The following KRABD2 variants were observed in gnomAD, a reference collection of about 807,000 sequenced individuals.
KRABD2 encodes KRAB domain-containing protein 2.
chr17:8,374,666 G>A, the KRABD2 span, among the ~76,000 whole-genome samples: 3 of 148,300 alleles, frequency 2.0e-5, no homozygotes, highest in Non-Finnish European at 4.5e-5. Context: ...GAATGATTCG[G>A]CCGGGCGTGG....
the KRABD2 span, chr17:8,375,873 A>G: frequency 3.3e-6 from 4 of 1,225,400 alleles, no homozygotes; most frequent in Non-Finnish European, 4.1e-6. Flanking sequence ...AAATATTTCC[A>G]AAGCCATGTT....
At chr17:8,376,437 G>A in the KRABD2 span, 3 of 1,046,242 alleles carry the variant, frequency 2.9e-6, no homozygotes, top group Non-Finnish European at 3.4e-6. Flanking sequence ...TCCCCTCACC[G>A]TCCACACCAC....
the KRABD2 span, among the ~76,000 whole-genome samples, chr17:8,361,171 G>A: frequency 3.3e-5 from 5 of 152,290 alleles, no homozygotes; most frequent in African/African-American, 1.2e-4. Flanking sequence ...ATTCACAAAA[G>A]CATTCATCTC....
chr17:8,369,614 C>T, the KRABD2 span: 1 of 1,614,226 alleles, frequency 6.2e-7, no homozygotes, highest in South Asian at 1.1e-5. Context: ...CATGAACAAC[C>T]TGGTTTGTGA....
the KRABD2 span, among the ~76,000 whole-genome samples, chr17:8,368,379 T>C: frequency 3.9e-5 from 6 of 152,130 alleles, no homozygotes; most frequent in African/African-American, 1.4e-4. Context: ...GTATTTATTC[T>C]TAGGGCTGCC....
the KRABD2 span, chr17:8,359,880 G>A: frequency 2.2e-6 from 1 of 454,174 alleles, no homozygotes; most frequent in Non-Finnish European, 4.4e-6. Context: ...AGGAGAAAGA[G>A]AGGCAAAAAC....
At chr17:8,360,584 A>T in the KRABD2 span, among the ~76,000 whole-genome samples, 1 of 152,242 alleles carries the variant, frequency 6.6e-6, no homozygotes, top group Admixed American at 6.5e-5. Flanking sequence ...ATTCTGAAGA[A>T]AATTCTGAAG....
At chr17:8,365,315 C>T in the KRABD2 span, among the ~76,000 whole-genome samples, 4 of 152,082 alleles carry the variant, frequency 2.6e-5, no homozygotes, top group Admixed American at 1.3e-4. Flanking sequence ...ATGTGGTTCC[C>T]GGTATGCCAA....
the KRABD2 span, chr17:8,369,094 C>A: frequency 6.4e-7 from 1 of 1,567,472 alleles, no homozygotes; most frequent in Non-Finnish European, 8.6e-7. Flanking sequence ...TGACTATGCT[C>A]AGAGAGACAC....
the KRABD2 span, among the ~76,000 whole-genome samples, chr17:8,374,412 GATGCT>G: frequency 6.6e-6 from 1 of 152,060 alleles, no homozygotes; most frequent in Non-Finnish European, 1.5e-5. Flanking sequence ...TTGTTAAACA[GATGCT>G]TGAAGGCAGC....
chr17:8,368,173 C>A, the KRABD2 span, among the ~76,000 whole-genome samples: 4 of 151,966 alleles, frequency 2.6e-5, no homozygotes, highest in Non-Finnish European at 5.9e-5. Context: ...AAAGAGTATT[C>A]GCTGATCTAA....
At chr17:8,376,126 T>G in the KRABD2 span, 3 of 1,231,676 alleles carry the variant, frequency 2.4e-6, no homozygotes, top group Non-Finnish European at 2.0e-6. Context: ...GGACGGAGGC[T>G]TCTACCTGCC....
the KRABD2 span, chr17:8,376,007 A>C: frequency 8.1e-7 from 1 of 1,231,428 alleles, no homozygotes; most frequent in Non-Finnish European, 1.0e-6. Context: ...CAGTAACTTT[A>C]GCTGATTGCC....
chr17:8,360,984 C>T, the KRABD2 span, among the ~76,000 whole-genome samples: 1 of 152,096 alleles, frequency 6.6e-6, no homozygotes, highest in African/African-American at 2.4e-5. Flanking sequence ...CCCCACTGCC[C>T]TTCCTTCTCA....
chr17:8,366,663 G>A, the KRABD2 span, among the ~76,000 whole-genome samples: 2 of 152,244 alleles, frequency 1.3e-5, no homozygotes, highest in East Asian at 3.9e-4. Context: ...AGTTGGTAAG[G>A]TGGCCAGTCT....
the KRABD2 span, among the ~76,000 whole-genome samples, chr17:8,360,528 C>A: frequency 6.6e-6 from 1 of 151,934 alleles, no homozygotes; most frequent in Non-Finnish European, 1.5e-5. Context: ...AAGGAAGAAC[C>A]AGGAACTAAA....
the KRABD2 span, among the ~76,000 whole-genome samples, chr17:8,367,931 TAA>T: frequency 1.1e-4 from 5 of 43,972 alleles, no homozygotes; most frequent in Admixed American, 2.4e-4. Flanking sequence ...AATGATCAAT[TAA>T]AAAAAAAAAA....
the KRABD2 span, chr17:8,376,665 T>C: frequency 5.1e-6 from 5 of 984,860 alleles, no homozygotes; most frequent in Non-Finnish European, 6.0e-6. Flanking sequence ...ACGCGGCGTC[T>C]GAATCCCCCT....
the KRABD2 span, among the ~76,000 whole-genome samples, chr17:8,363,324 T>A: frequency 2.6e-5 from 4 of 152,042 alleles, no homozygotes; most frequent in Non-Finnish European, 1.5e-5. Context: ...TGGCCAAGGA[T>A]GAGAAAGAAA....
Sources: gnomAD v4.1 joint callset for allele counts (sites outside exome capture counted in the v4.1 genomes callset) on GRCh38, gnomAD v4.1.1 for gene constraint, MANE v1.5 for transcripts, NCBI Gene and HGNC (gene_info 2026-07-23, HGNC 2026-07-21) for gene names.